SIAH3: variants seen among roughly 807,000 people sequenced by gnomAD.
SIAH3 encodes siah E3 ubiquitin protein ligase family member 3.
SIAH3 carries 9 observed loss-of-function variants against 12.6 expected under a neutral mutation model. The ratio of observed to expected loss-of-function variants is 0.72; its 90% CI spans 0.43 to 1.25. SIAH3 has a LOEUF of 1.25. SIAH3 is among the 50% of genes most tolerant of loss of function. SIAH3 has a pLI of 0.00. For missense variants in SIAH3, 390 were observed against 365.4 expected (o/e 1.07, Z -0.55); for synonymous variants, 154 against 151.1 (o/e 1.02, Z -0.14).
At chr13:45,817,486 A>G (rs1457496726) in intron 1 of SIAH3, among the ~76,000 whole-genome samples, 2 of 152,238 alleles carry the variant, frequency 1.3e-5, no homozygotes, top group African/African-American at 4.8e-5. Context: ...TGCAGATGTG[A>G]TTAAATTAAG....
At chr13:45,789,711 CATATGTATTTTTAAACTATACTCTAGG>C in intron 1 of SIAH3, among the ~76,000 whole-genome samples, 1 of 152,198 alleles carries the variant, frequency 6.6e-6, no homozygotes, top group East Asian at 1.9e-4. Context: ...CTGGCCTAAA[CATATGTATTTTTAAACTATACTCTAGG>C]GCCTGTCAAT....
At chr13:45,847,951 C>A (rs1950766302) in intron 1 of SIAH3, among the ~76,000 whole-genome samples, 1 of 152,100 alleles carries the variant, frequency 6.6e-6, no homozygotes, top group Non-Finnish European at 1.5e-5. Context: ...CCTCAAAGGG[C>A]ACCTCTGCAG....
intron 1 of SIAH3, among the ~76,000 whole-genome samples, chr13:45,806,095 G>A: frequency 6.6e-6 from 1 of 152,090 alleles, no homozygotes; most frequent in East Asian, 1.9e-4. Flanking sequence ...TGAAGAAAAG[G>A]GAACATTTAT....
Position 45,798,454 on chromosome 13 carries a change from G to T in SIAH3, c.136-14397C>A, listed in dbSNP as rs1331095543. On this transcript the variant is annotated intron_variant, in intron 1 of 1. Coordinates refer to ENST00000400405, the MANE Select transcript of SIAH3 (RefSeq NM_198849.3). ...CTCAGAGAGCTTACTTTTCTAGTAG[G>T]GGGAGGAATTGCTTCTGGGAGTCAG... is the stretch of plus-strand genomic sequence containing the variant. Among the ~76,000 whole-genome samples, 5 of 152,238 alleles carry T rather than the reference G, an allele frequency of 3.3e-5. 1 individual carries two copies. The South Asian group carries it at 1.0e-3, about 32-fold the overall frequency.
chr13:45,785,451 TTCTA>T (rs59996703), intron 1 of SIAH3, among the ~76,000 whole-genome samples: 58,709 of 151,772 alleles, frequency 0.39, 11,491 homozygotes, highest in East Asian at 0.41. Context: ...CTGCCAGAGT[TTCTA>T]TCTATCTCCC....
chr13:45,808,701 G>T (rs1950606357), intron 1 of SIAH3, among the ~76,000 whole-genome samples: 1 of 80,904 alleles, frequency 1.2e-5, no homozygotes, highest in African/African-American at 5.5e-5. Flanking sequence ...ATGTCCATAT[G>T]TACGTGCATA....
chr13:45,790,161 A>G (rs1304334971), intron 1 of SIAH3, among the ~76,000 whole-genome samples: 1 of 152,146 alleles, frequency 6.6e-6, no homozygotes, highest in African/African-American at 2.4e-5. Context: ...AATTTTCTTT[A>G]CTGGTGATCA....
At chr13:45,831,921 A>G (rs565198332) in intron 1 of SIAH3, among the ~76,000 whole-genome samples, 4 of 152,358 alleles carry the variant, frequency 2.6e-5, no homozygotes, top group African/African-American at 9.6e-5. Context: ...GAAAAGGAAC[A>G]TAGGTCCTTG....
intron 1 of SIAH3, among the ~76,000 whole-genome samples, chr13:45,826,376 AAT>A (rs1950675388): frequency 8.6e-6 from 1 of 115,668 alleles, no homozygotes; most frequent in Non-Finnish European, 1.8e-5. Context: ...TGGATGGATG[AAT>A]GAATGGATGG....
chr13:45,801,272 C>A (rs1215494172), intron 1 of SIAH3, among the ~76,000 whole-genome samples: 1 of 152,140 alleles, frequency 6.6e-6, no homozygotes, highest in Non-Finnish European at 1.5e-5. Flanking sequence ...GGGGGTGACA[C>A]TTGAAATGGG....
At chr13:45,839,136 A>C (rs1324656146) in intron 1 of SIAH3, among the ~76,000 whole-genome samples, 1 of 152,128 alleles carries the variant, frequency 6.6e-6, no homozygotes, top group Non-Finnish European at 1.5e-5. Flanking sequence ...AGGCCTGTGG[A>C]TCTCTTAGAG....
intron 1 of SIAH3, among the ~76,000 whole-genome samples, chr13:45,816,818 AGG>A (rs1950636308): frequency 6.6e-6 from 1 of 152,240 alleles, no homozygotes; most frequent in Non-Finnish European, 1.5e-5. Context: ...ATGTGCCTAC[AGG>A]TAGTAGCAAT....
intron 1 of SIAH3, among the ~76,000 whole-genome samples, chr13:45,806,526 C>T (rs180936377): frequency 2.2e-4 from 34 of 152,086 alleles, no homozygotes; most frequent in South Asian, 2.1e-3. Flanking sequence ...TGAGTACACA[C>T]GCATATAAAG....
chr13:45,793,541 G>A lies in SIAH3; in HGVS notation c.136-9484C>T, dbSNP rs112629744. On this transcript the variant is annotated intron_variant, in intron 1 of 1. Coordinates refer to ENST00000400405, the MANE Select transcript of SIAH3 (RefSeq NM_198849.3). ...AGACCACAACAAAGGCTCCAGGTGG[G>A]TGAGTACTGTATTTCTTCCCCACTG... Among the ~76,000 whole-genome samples, 769 of 152,318 alleles carry A rather than the reference G, an allele frequency of 5.0e-3. 5 individuals are homozygous for A. Among genetic ancestry groups the A allele is most frequent in the African/African-American group, 0.018 (732 of 41,568 alleles).
At chr13:45,788,404 C>A (rs549293427) in intron 1 of SIAH3, among the ~76,000 whole-genome samples, 149 of 152,300 alleles carry the variant, frequency 9.8e-4, no homozygotes, top group African/African-American at 3.5e-3. Flanking sequence ...GACTGATAAA[C>A]CCCTCAGTCA....
intron 1 of SIAH3, 28 bp from the exon 2 acceptor site, chr13:45,784,085 C>T (rs1428193073): frequency 7.1e-6 from 11 of 1,540,240 alleles, no homozygotes; most frequent in African/African-American, 2.7e-5. Context: ...AACGTCAGTG[C>T]GGGGATGAGG....
At chr13:45,834,527 C>T (rs923860401) in intron 1 of SIAH3, among the ~76,000 whole-genome samples, 1 of 152,136 alleles carries the variant, frequency 6.6e-6, no homozygotes, top group Non-Finnish European at 1.5e-5. Flanking sequence ...AGCAGAGAGG[C>T]CTCGGGTTCC....
intron 1 of SIAH3, among the ~76,000 whole-genome samples, chr13:45,842,655 C>T (rs138230520): frequency 3.2e-4 from 48 of 152,234 alleles, no homozygotes; most frequent in South Asian, 1.9e-3. Context: ...GCCTGTACAT[C>T]GTATTATTTA....
At chr13:45,805,655 A>T (rs778058641) in intron 1 of SIAH3, among the ~76,000 whole-genome samples, 2 of 152,214 alleles carry the variant, frequency 1.3e-5, no homozygotes, top group Non-Finnish European at 2.9e-5. Context: ...ACCATTCTGG[A>T]CAGTGGCCTT....
Sources: allele counts gnomAD v4.1 joint callset (sites outside exome capture counted in the v4.1 genomes callset), GRCh38; gene constraint gnomAD v4.1.1; transcripts MANE v1.5; gene names NCBI Gene and HGNC (gene_info 2026-07-23, HGNC 2026-07-21).